Variants in PDE4B observed in about 807,000 individuals in gnomAD.
PDE4B encodes 3',5'-cyclic-AMP phosphodiesterase 4B.
A neutral mutation model predicts 82.2 loss-of-function variants in PDE4B; 20 were observed. The observed-to-expected ratio is 0.24, with a 90% confidence interval of 0.17 to 0.35. The LOEUF (loss-of-function observed/expected upper bound fraction) is 0.35, where lower values mean the gene tolerates loss of function less well. Ranked by LOEUF, PDE4B falls within the 10% of genes least tolerant of loss-of-function variation. PDE4B has a pLI of 1.00. For synonymous variants in PDE4B, 320 were observed against 318.9 expected, an observed-to-expected ratio of 1.00 and a Z score of -0.04; for missense variants, 655 against 907.2, an observed-to-expected ratio of 0.72 and a Z score of 3.57.
At chr1:66,120,103 C>G (rs1177625931) in intron 3 of PDE4B, among the ~76,000 whole-genome samples, 1 of 152,186 alleles carries the variant, frequency 6.6e-6, no homozygotes, top group Non-Finnish European at 1.5e-5. Flanking sequence ...TTTACAACAG[C>G]CTTCGGAAAC....
At chr1:65,839,858 C>G (rs202153706) in intron 1 of PDE4B, among the ~76,000 whole-genome samples, 1 of 152,152 alleles carries the variant, frequency 6.6e-6, no homozygotes, top group Non-Finnish European at 1.5e-5. Flanking sequence ...CTGTCTTCCA[C>G]AATGGTTGAA....
chr1:65,855,510 A>G (rs12081185), intron 1 of PDE4B, among the ~76,000 whole-genome samples: 80,614 of 151,826 alleles, frequency 0.53, 21,638 homozygotes, highest in Non-Finnish European at 0.57. Flanking sequence ...CAAGTGGTCA[A>G]TGAGGAATCT....
At chr1:65,854,009 T>C (rs1309391621) in intron 1 of PDE4B, among the ~76,000 whole-genome samples, 1 of 152,128 alleles carries the variant, frequency 6.6e-6, no homozygotes, top group Non-Finnish European at 1.5e-5. Flanking sequence ...TCACATGGTT[T>C]TCTGTGCCCA....
At chr1:65,968,507 A>G (rs1569847785) in intron 3 of PDE4B, among the ~76,000 whole-genome samples, 1 of 128,492 alleles carries the variant, frequency 7.8e-6, no homozygotes, top group Non-Finnish European at 1.7e-5. Context: ...TTTTTTTTTT[A>G]ATTCACTCAT....
intron 16 of PDE4B, among the ~76,000 whole-genome samples, chr1:66,369,190 G>T (rs1663484634): frequency 1.3e-5 from 2 of 152,152 alleles, no homozygotes; most frequent in Non-Finnish European, 2.9e-5. Context: ...TCAAAATTTG[G>T]ACTATGTGTC....
intron 3 of PDE4B, among the ~76,000 whole-genome samples, chr1:66,192,256 G>A (rs1647882510): frequency 6.6e-6 from 1 of 151,988 alleles, no homozygotes; most frequent in Non-Finnish European, 1.5e-5. Context: ...TGAAGATCAG[G>A]CAGATAAGCA....
At chr1:66,223,424 C>T (rs1651163578) in intron 3 of PDE4B, among the ~76,000 whole-genome samples, 1 of 152,164 alleles carries the variant, frequency 6.6e-6, no homozygotes, top group Admixed American at 6.5e-5. Context: ...GCTTCATATT[C>T]AATTTTCCCT....
At chr1:65,841,625 T>A (rs868450417) in intron 1 of PDE4B, among the ~76,000 whole-genome samples, 1 of 152,154 alleles carries the variant, frequency 6.6e-6, no homozygotes, top group Non-Finnish European at 1.5e-5. Context: ...TGCAAAATGA[T>A]TTAAATATGT....
chr1:66,094,650 G>C (rs1645082036), intron 3 of PDE4B: 1 of 151,970 alleles, frequency 6.6e-6, no homozygotes, highest in Non-Finnish European at 1.5e-5. Flanking sequence ...TAATTTCATA[G>C]TAAAGATGGT....
chr1:65,826,925 AC>A (rs1339022332), intron 1 of PDE4B, among the ~76,000 whole-genome samples: 5 of 152,190 alleles, frequency 3.3e-5, no homozygotes, highest in Admixed American at 3.3e-4. Context: ...GTGACATACA[AC>A]TGGGAAAGCT....
Position 65,959,323 on chromosome 1 carries a change from T to C in PDE4B, c.281+40488T>C, listed in dbSNP as rs565417952. On this transcript the variant is annotated intron_variant, in intron 3 of 16. Transcript: ENST00000341517. ...ACTGTTGTGTTTGATAGTGTGTATG[T>C]ATGGTAATTTTCTAGAAATCTGAAT... 3.3e-5 allele frequency among the ~76,000 whole-genome samples: 5 copies of C among 152,324 alleles called. No homozygotes were observed. The East Asian group carries it at 9.7e-4, about 29-fold the overall frequency.
intron 8 of PDE4B, among the ~76,000 whole-genome samples, chr1:66,349,269 G>T (rs764592893): frequency 6.6e-6 from 1 of 152,148 alleles, no homozygotes. Context: ...AAGTAGAATT[G>T]ATTCTATTGT....
chr1:65,810,072 T>G (rs534779563), intron 1 of PDE4B, among the ~76,000 whole-genome samples: 2 of 152,238 alleles, frequency 1.3e-5, no homozygotes, highest in Non-Finnish European at 2.9e-5. Context: ...AAAAGAAGGA[T>G]GCTTGTTGAA....
chr1:65,838,553 ATATATG>A (rs905954574), intron 1 of PDE4B, among the ~76,000 whole-genome samples: 6 of 148,004 alleles, frequency 4.1e-5, no homozygotes, highest in African/African-American at 9.8e-5. Flanking sequence ...ATATATGTAT[ATATATG>A]TATATGTATA....
rs891687379 is a variant in PDE4B at position 66,001,430 on chromosome 1, A to T, written c.281+82595A>T. The stretch of plus-strand genomic sequence containing the variant: ...TATTATTTATTTTAAAACAGTTTCC[A>T]TGTATCAAGCTTGCTGTTATTACAA... On this transcript the variant is annotated intron_variant, in intron 3 of 16. Transcript: ENST00000341517. Among the ~76,000 whole-genome samples the T allele has an allele frequency of 2.0e-5, 3 of 152,184 alleles. No homozygotes were observed. In the East Asian group the frequency reaches 5.8e-4, roughly 29 times the overall value.
At chr1:66,294,686 AT>A (rs1013223568) in intron 7 of PDE4B, among the ~76,000 whole-genome samples, 5 of 151,798 alleles carry the variant, frequency 3.3e-5, no homozygotes, top group Admixed American at 6.6e-5. Context: ...TATATTAGCT[AT>A]TTTTTTTATT....
intron 1 of PDE4B, among the ~76,000 whole-genome samples, chr1:65,847,774 A>G (rs971532528): frequency 1.3e-5 from 2 of 152,200 alleles, no homozygotes; most frequent in African/African-American, 4.8e-5. Flanking sequence ...GTATACTATC[A>G]TCATTTGACA....
chr1:66,333,783 G>T (rs562035540), intron 8 of PDE4B, among the ~76,000 whole-genome samples: 1 of 152,212 alleles, frequency 6.6e-6, no homozygotes, highest in African/African-American at 2.4e-5. Context: ...GAGGGGAGGG[G>T]GGACTCTTCC....
At chr1:66,182,893 T>C (rs1023030426) in intron 3 of PDE4B, among the ~76,000 whole-genome samples, 1 of 152,236 alleles carries the variant, frequency 6.6e-6, no homozygotes, top group Non-Finnish European at 1.5e-5. Context: ...GAAAAAAATA[T>C]CATCAGCTAT....
Sources: gnomAD v4.1 joint callset for allele counts (sites outside exome capture counted in the v4.1 genomes callset) on GRCh38, gnomAD v4.1.1 for gene constraint, MANE v1.5 for transcripts, NCBI Gene and HGNC (gene_info 2026-07-23, HGNC 2026-07-21) for gene names.